Variants in TBX15 observed in about 807,000 individuals in gnomAD.
The protein encoded by TBX15 is T-box transcription factor TBX15.
A neutral mutation model predicts 53.9 loss-of-function variants in TBX15; 18 were observed. The observed-to-expected ratio is 0.33, with a 90% CI of 0.23 to 0.49. The LOEUF is 0.49. TBX15 is among the 20% of genes least tolerant of loss of function. The probability of loss-of-function intolerance (pLI) is 0.98; values close to 1 mark genes in which losing one functional copy is unlikely to be tolerated. For synonymous variants in TBX15, 295 were observed against 278.0 expected (o/e 1.06, Z -0.61); for missense variants, 692 against 749.5 (o/e 0.92, Z 0.90).
At chr1:118,975,989 T>C (rs1465915059) in intron 1 of TBX15, among the ~76,000 whole-genome samples, 1 of 152,202 alleles carries the variant, frequency 6.6e-6, no homozygotes, top group Non-Finnish European at 1.5e-5. Flanking sequence ...GGAAAGGATC[T>C]CTTCTCTGTT....
At chr1:118,978,097 C>G (rs1657498482) in intron 1 of TBX15, among the ~76,000 whole-genome samples, 2 of 152,242 alleles carry the variant, frequency 1.3e-5, no homozygotes, top group Admixed American at 6.5e-5. Flanking sequence ...ACCCTTTCAA[C>G]AGCGTTCACG....
intron 1 of TBX15, among the ~76,000 whole-genome samples, chr1:118,936,489 C>T (rs1655970500): frequency 6.6e-6 from 1 of 151,988 alleles, no homozygotes; most frequent in Non-Finnish European, 1.5e-5. Context: ...TTCTTTGGTT[C>T]ACTTGGCCTA....
At chr1:118,954,171 G>T (rs1656606029) in intron 1 of TBX15, among the ~76,000 whole-genome samples, 1 of 152,188 alleles carries the variant, frequency 6.6e-6, no homozygotes, top group African/African-American at 2.4e-5. Context: ...TCAACAGTCA[G>T]ATGGACCTCT....
At chr1:118,929,055 T>C (rs1218490944) in intron 2 of TBX15, among the ~76,000 whole-genome samples, 2 of 152,236 alleles carry the variant, frequency 1.3e-5, no homozygotes, top group African/African-American at 4.8e-5. Flanking sequence ...CCTTTCATGT[T>C]TTACAAAAAG....
chr1:118,902,062 C>T (rs926086453), intron 6 of TBX15, among the ~76,000 whole-genome samples: 1 of 151,828 alleles, frequency 6.6e-6, no homozygotes, highest in African/African-American at 2.4e-5. Flanking sequence ...TAAATATATC[C>T]TACATAGCAT....
chr1:118,904,905 G>A (rs1439587128), intron 6 of TBX15, among the ~76,000 whole-genome samples: 1 of 152,108 alleles, frequency 6.6e-6, no homozygotes, highest in African/African-American at 2.4e-5. Flanking sequence ...CCTTTGCCAA[G>A]TTATATAACC....
chr1:118,914,160 T>A lies in TBX15; in HGVS notation c.881A>T (p.Asp294Val), dbSNP rs1190718577. The change falls in exon 6 of 8, where the codon GAC (aspartate) becomes GTC (valine). Residue 294 changes from aspartate (D) to valine (V), a missense_variant. Around this residue, in one of 3 missense-constraint regions of TBX15, gnomAD observed 10 missense variants for 30.4 expected, o/e 0.33. Transcript: ENST00000369429. ...GAATCCTTTAGCAAAAGGGTTTCGGTCAATTTTTAATCTGGTAATCTGGAA... is the reference window on the plus strand; with the variant it reads ...GAATCCTTTAGCAAAAGGGTTTCGGACAATTTTTAATCTGGTAATCTGGAA... ...QNQQITRLKIDRNPFAKGFRD... is the reference protein window; with the variant it reads ...QNQQITRLKIVRNPFAKGFRD... The A allele has an allele frequency of 6.2e-7, 1 of 1,613,794 alleles. No individual in the cohort carries two copies. Among genetic ancestry groups the A allele is most frequent in the Non-Finnish European group, 8.5e-7 (1 of 1,179,772 alleles).
In TBX15 at chr1:118,885,209, T is replaced by G. The variant is rs772026219; in HGVS notation, c.1332A>C (p.Pro444=). 6.2e-7 allele frequency: 1 copy of G among 1,614,020 alleles called. No individual in the cohort carries two copies. Among genetic ancestry groups the G allele is most frequent in the Non-Finnish European group, 8.5e-7 (1 of 1,180,038 alleles). Residue 444 remains proline (P), a synonymous_variant, in exon 8 of 8, where the codon CCA becomes CCC. Transcript: ENST00000369429. ...GAGTTGGTATTCCTGAGATCAGGGA[T>G]GGAGTCCTCTGAGGCATGAAGGTTT... ...PSETFMPQRT[P]SLISGIPTPP... is the part of the protein sequence containing the mutation.
chr1:118,886,668 T>C (rs1235212213), intron 7 of TBX15, among the ~76,000 whole-genome samples: 1 of 152,200 alleles, frequency 6.6e-6, no homozygotes, highest in African/African-American at 2.4e-5. Context: ...CAGAATAGTC[T>C]TTCCTAAACT....
At chr1:118,893,153 T>C (rs1017780703) in intron 7 of TBX15, among the ~76,000 whole-genome samples, 2 of 151,260 alleles carry the variant, frequency 1.3e-5, no homozygotes, top group African/African-American at 4.9e-5. Flanking sequence ...GCAGGAGAAT[T>C]GTTTGAACCC....
chr1:118,947,449 G>A (rs1257845168), intron 1 of TBX15, among the ~76,000 whole-genome samples: 1 of 152,188 alleles, frequency 6.6e-6, no homozygotes, highest in African/African-American at 2.4e-5. Flanking sequence ...GAATCAGAAA[G>A]CAAGAGTGTG....
chr1:118,919,277 TGAGGATATGTTG>T (rs1655346390), intron 5 of TBX15, among the ~76,000 whole-genome samples: 1 of 152,216 alleles, frequency 6.6e-6, no homozygotes, highest in Non-Finnish European at 1.5e-5. Context: ...GCTAATTCTG[TGAGGATATGTTG>T]GCATCAGATT....
At chr1:118,983,389 C>T (rs902569190) in intron 1 of TBX15, among the ~76,000 whole-genome samples, 1 of 152,198 alleles carries the variant, frequency 6.6e-6, no homozygotes, top group Non-Finnish European at 1.5e-5. Context: ...CGGAGTTTTA[C>T]ATAGAATGTC....
chr1:118,934,106 C>G lies in TBX15; in HGVS notation c.206-2274G>C, dbSNP rs564392374. 2.6e-5 allele frequency among the ~76,000 whole-genome samples: 4 copies of G among 152,168 alleles called. No individual in the cohort carries two copies. In the South Asian group the frequency reaches 6.2e-4, roughly 24 times the overall value. On this transcript the variant is annotated intron_variant, in intron 1 of 7. Coordinates refer to ENST00000369429, the MANE Select transcript of TBX15 (RefSeq NM_001330677.2). ...CCTTAACTCAGTATGTCATCTGGAA[C>G]AAAACAGGGACTCAAAATGTAACAT... is the stretch of plus-strand genomic sequence containing the variant.
chr1:118,981,714 T>C (rs1657660067), intron 1 of TBX15, among the ~76,000 whole-genome samples: 1 of 152,198 alleles, frequency 6.6e-6, no homozygotes, highest in South Asian at 2.1e-4. Flanking sequence ...TCCTCCCTAC[T>C]AAATCATATT....
At chr1:118,941,714 C>G (rs1656183055) in intron 1 of TBX15, among the ~76,000 whole-genome samples, 2 of 152,128 alleles carry the variant, frequency 1.3e-5, no homozygotes, top group African/African-American at 4.8e-5. Flanking sequence ...TCCATGTCCT[C>G]AGGAGCTTAT....
rs564662665 is a variant in TBX15, at chr1:118,982,163, C to T, written c.205+5428G>A. On this transcript the variant is annotated intron_variant, in intron 1 of 7. Coordinates refer to ENST00000369429, the MANE Select transcript of TBX15 (RefSeq NM_001330677.2). ...AGAAAGGAGAAAGGTATATAGCATGCCAATCTGCCCTTTATCCCTGTGGAA... is the reference window on the plus strand; with the variant it reads ...AGAAAGGAGAAAGGTATATAGCATGTCAATCTGCCCTTTATCCCTGTGGAA... Among the ~76,000 whole-genome samples, 11 of 152,278 alleles carry T rather than the reference C, an allele frequency of 7.2e-5. 1 individual carries two copies. The South Asian group carries it at 2.3e-3, about 32-fold the overall frequency.
rs540632791 is a variant in TBX15 at position 118,982,340 on chromosome 1, C to T, written c.205+5251G>A. Among the ~76,000 whole-genome samples the T allele has an allele frequency of 5.3e-5, 8 of 152,274 alleles. No homozygotes were observed. In the South Asian group the frequency reaches 1.2e-3, roughly 24 times the overall value. On this transcript the variant is annotated intron_variant, in intron 1 of 7. Transcript: ENST00000369429. ...AGAGTCTATAATCAGGATCTCAAAG[C>T]GATCCTCTCATCTTATAATTTTTTT...
At chr1:118,886,966 A>T (rs564509911) in intron 7 of TBX15, among the ~76,000 whole-genome samples, 65 of 152,162 alleles carry the variant, frequency 4.3e-4, no homozygotes, top group Middle Eastern at 3.4e-3. Context: ...GTTCAATCCA[A>T]CCTCCTTCAG....
Sources: gnomAD v4.1 joint callset for allele counts (sites outside exome capture counted in the v4.1 genomes callset) on GRCh38, gnomAD v4.1.1 for gene constraint, gnomAD v4.1.1 regional missense constraint, MANE v1.5 for transcripts, NCBI Gene and HGNC (gene_info 2026-07-23, HGNC 2026-07-21) for gene names.